The following CLOCK variants were observed in gnomAD, a reference collection of about 807,000 sequenced individuals.
CLOCK encodes circadian locomoter output cycles protein kaput.
Under a neutral mutation model 118.4 loss-of-function variants are expected in CLOCK, and 43 were observed. That is an observed-to-expected ratio of 0.36 (90% CI 0.28 to 0.47). CLOCK has a LOEUF of 0.47. Ranked by LOEUF, CLOCK falls within the 20% of genes least tolerant of loss-of-function variation. The pLI is 1.00. For synonymous variants in CLOCK, 326 were observed against 339.2 expected (o/e 0.96, Z 0.43); for missense variants, 846 against 999.9 (o/e 0.85, Z 2.08).
At chr4:55,461,914 A>T (rs1232555120) in intron 9 of CLOCK, among the ~76,000 whole-genome samples, 2 of 152,168 alleles carry the variant, frequency 1.3e-5, no homozygotes, top group African/African-American at 2.4e-5. Flanking sequence ...TTCTGTCCTT[A>T]TTCTTTCTCT....
chr4:55,503,192 C>T (rs1728548053), intron 2 of CLOCK, among the ~76,000 whole-genome samples: 1 of 152,194 alleles, frequency 6.6e-6, no homozygotes, highest in African/African-American at 2.4e-5. Context: ...AAAAGACACG[C>T]TCAAGAATGT....
intron 6 of CLOCK, among the ~76,000 whole-genome samples, chr4:55,477,916 A>G (rs960575485): frequency 1.3e-5 from 2 of 152,104 alleles, no homozygotes; most frequent in African/African-American, 4.8e-5. Flanking sequence ...ACAGATGCAG[A>G]AGAAGATGCG....
At chr4:55,456,827 C>T (rs866754050) in intron 11 of CLOCK, among the ~76,000 whole-genome samples, 1 of 152,142 alleles carries the variant, frequency 6.6e-6, no homozygotes, top group African/African-American at 2.4e-5. Flanking sequence ...TATAGGGATG[C>T]ACCACCACGC....
At chr4:55,468,999 G>A (rs1002089943) in intron 8 of CLOCK, among the ~76,000 whole-genome samples, 2 of 152,066 alleles carry the variant, frequency 1.3e-5, no homozygotes, top group African/African-American at 4.8e-5. Context: ...CAAACCTACT[G>A]TGCCACCAAT....
chr4:55,498,439 CTAAAA>C (rs1167740055), intron 2 of CLOCK, among the ~76,000 whole-genome samples: 1 of 152,062 alleles, frequency 6.6e-6, no homozygotes, highest in Non-Finnish European at 1.5e-5. Flanking sequence ...GTCTTCTTCA[CTAAAA>C]TAATCATTAT....
intron 3 of CLOCK, among the ~76,000 whole-genome samples, chr4:55,486,800 TA>T (rs574269438): frequency 5.3e-5 from 8 of 152,332 alleles, no homozygotes; most frequent in African/African-American, 1.9e-4. Context: ...CCTTGTTTTC[TA>T]AAATTGAACA....
intron 2 of CLOCK, 53 bp downstream of exon 2, chr4:55,509,859 A>G (rs1729030132): frequency 6.6e-6 from 1 of 152,220 alleles, no homozygotes; most frequent in Non-Finnish European, 1.5e-5. Context: ...CCACCGGTAC[A>G]CTGCAAATTC....
At position 55,453,107 on chromosome 4, in the gene CLOCK, T is replaced by G. The variant is rs1724613734; in HGVS notation, c.1153A>C (p.Arg385=). 6.2e-7 allele frequency: 1 copy of G among 1,613,116 alleles called. No individual in the cohort carries two copies. Among genetic ancestry groups the G allele is most frequent in the Non-Finnish European group, 8.5e-7 (1 of 1,179,316 alleles). Residue 385 remains arginine (R), a synonymous_variant, in exon 15 of 23, where the codon AGA becomes CGA. Coordinates refer to ENST00000513440, the MANE Select transcript of CLOCK (RefSeq NM_004898.4). ...TCTTCAATGCCAAGTTCTCGTCGTC[T>G]TTCAGCCCTAACTTCTGCATAACTA... The part of the protein sequence containing the change: ...VVSYAEVRAE[R]RRELGIEESL...
At chr4:55,504,088 T>C (rs1471374189) in intron 2 of CLOCK, among the ~76,000 whole-genome samples, 1 of 140,210 alleles carries the variant, frequency 7.1e-6, no homozygotes, top group Non-Finnish European at 1.5e-5. Flanking sequence ...ATCGAGACCA[T>C]CCTGGCTAAC....
In CLOCK at chr4:55,433,359, GGTT is replaced by G. The variant is rs1266587527; in HGVS notation, c.*2053_*2055del. On this transcript the variant is annotated 3_prime_UTR_variant, in exon 23 of 23. Coordinates refer to ENST00000513440, the MANE Select transcript of CLOCK (RefSeq NM_004898.4). ...AGAAGGGTAAGTACCAATTTTCTTT[GGTT>G]GTTTTCTTTTTCAACATTAATGTTC... 1 of 152,482 alleles carries G rather than the reference GGTT, an allele frequency of 6.6e-6. No individual in the cohort carries two copies. Among genetic ancestry groups the G allele is most frequent in the African/African-American group, 2.4e-5 (1 of 41,386 alleles). 9.4% of individuals were successfully genotyped at this position (152,482 alleles called of 1,614,324 possible).
At chr4:55,486,319 T>C (rs1044116429) in intron 3 of CLOCK, 1 of 152,188 alleles carries the variant, frequency 6.6e-6, no homozygotes, top group African/African-American at 2.4e-5. Context: ...ATTCTACCAA[T>C]TTCACCTTCT....
At position 55,430,728 on chromosome 4, in the gene CLOCK, A is replaced by G. The variant is rs1268144422; in HGVS notation, c.*4687T>C. ...ATTCTTGAAATTATTATATTCTAAA[A>G]TGTTACTAGCAATCACTTTTAGATT... On this transcript the variant is annotated 3_prime_UTR_variant, in exon 23 of 23. Coordinates refer to ENST00000513440, the MANE Select transcript of CLOCK (RefSeq NM_004898.4). 3 of 152,308 alleles carry G rather than the reference A, an allele frequency of 2.0e-5. No homozygotes were observed. Among genetic ancestry groups the G allele is most frequent in the African/African-American group, 4.8e-5 (2 of 41,588 alleles). 9.4% of individuals were successfully genotyped at this position (152,308 alleles called of 1,614,324 possible). A position where few individuals can be genotyped will look rare whatever the true frequency, so the allele number is the denominator to read the frequency against.
rs377531095 is a variant in CLOCK, at chr4:55,544,963, T to G, written c.-290+1819A>C. ...ATAGCAAATTTTTGCAATCTTTGCA[T>G]GTTAGTACGTAGAAAGCTTCCTTAT... On this transcript the variant is annotated intron_variant, in intron 1 of 22. Coordinates refer to ENST00000513440, the MANE Select transcript of CLOCK (RefSeq NM_004898.4). Among the ~76,000 whole-genome samples the G allele has an allele frequency of 5.9e-5, 9 of 152,320 alleles. No homozygotes were observed. In the East Asian group the frequency reaches 1.5e-3, roughly 26 times the overall value.
intron 8 of CLOCK, among the ~76,000 whole-genome samples, chr4:55,467,752 T>A (rs962027981): frequency 6.6e-6 from 1 of 151,854 alleles, no homozygotes; most frequent in African/African-American, 2.4e-5. Context: ...AATCAGTCTG[T>A]CCTTTTTTCT....
chr4:55,441,028 CCTCTG>C (rs1723326592), intron 21 of CLOCK, among the ~76,000 whole-genome samples: 1 of 152,190 alleles, frequency 6.6e-6, no homozygotes, highest in African/African-American at 2.4e-5. Context: ...TTTCTAAAGA[CCTCTG>C]AAGTATTCAT....
chr4:55,465,448 T>G (rs921192411), intron 8 of CLOCK, among the ~76,000 whole-genome samples: 9 of 152,210 alleles, frequency 5.9e-5, no homozygotes, highest in African/African-American at 1.9e-4. Context: ...AAAAGGGGCC[T>G]ATCTCTTACA....
intron 15 of CLOCK, 32 bp from the exon 16 acceptor site, chr4:55,450,264 T>G: frequency 6.2e-7 from 1 of 1,613,410 alleles, no homozygotes; most frequent in Non-Finnish European, 8.5e-7. Context: ...AATGTTTTCT[T>G]GTGGTTCAGT....
intron 7 of CLOCK, among the ~76,000 whole-genome samples, chr4:55,474,011 G>A (rs1445038877): frequency 3.9e-5 from 6 of 152,136 alleles, no homozygotes; most frequent in South Asian, 4.1e-4. Context: ...CAAGTGAAAG[G>A]AAGAGTCCCT....
At chr4:55,496,164 A>G (rs1241841142) in intron 2 of CLOCK, among the ~76,000 whole-genome samples, 1 of 151,980 alleles carries the variant, frequency 6.6e-6, no homozygotes, top group Non-Finnish European at 1.5e-5. Flanking sequence ...ACTCCATCCT[A>G]GGTGACAGAG....
Sources: allele counts gnomAD v4.1 joint callset (sites outside exome capture counted in the v4.1 genomes callset), GRCh38; gene constraint gnomAD v4.1.1; transcripts MANE v1.5; gene names NCBI Gene and HGNC (gene_info 2026-07-23, HGNC 2026-07-21).